AATK: variants seen among roughly 807,000 people sequenced by gnomAD.
AATK encodes the protein serine/threonine-protein kinase LMTK1.
Under a neutral mutation model 114.3 loss-of-function variants are expected in AATK, and 91 were observed. That is an observed-to-expected ratio of 0.80 (90% CI 0.67 to 0.95). The LOEUF is 0.95. AATK is among the 40% of genes least tolerant of loss of function. The pLI is 0.00. For synonymous variants in AATK, 1,075 were observed against 916.5 expected (o/e 1.17, Z -3.12); for missense variants, 2,176 against 1,965.2 (o/e 1.11, Z -2.03).
At chr17:81,124,333 G>A (rs912139009) in intron 9 of AATK, among the ~76,000 whole-genome samples, 2 of 152,182 alleles carry the variant, frequency 1.3e-5, no homozygotes, top group Non-Finnish European at 2.9e-5. Context: ...TGCGGCCGTG[G>A]GAGATCCCAG....
At chr17:81,123,057 G>A (rs1598907953) in intron 10 of AATK, 137 bp downstream of exon 10, 1 of 1,064,388 alleles carries the variant, frequency 9.4e-7, no homozygotes, top group East Asian at 3.2e-5. Context: ...AGAGGTGGCG[G>A]GTGGAGGCCC....
In AATK at chr17:81,128,950, G is replaced by A. The variant is rs369465978; in HGVS notation, c.335-401C>T. On this transcript the variant is annotated intron_variant, in intron 3 of 13. Coordinates refer to ENST00000326724, the MANE Select transcript of AATK (RefSeq NM_001080395.3). ...TGGAGCGGCCCACCCCCACCCTGCCGCAGGCTGGCATCCCACGCCGGGCGC... is the reference window on the plus strand; with the variant it reads ...TGGAGCGGCCCACCCCCACCCTGCCACAGGCTGGCATCCCACGCCGGGCGC... 5.0e-4 allele frequency: 538 copies of A among 1,077,880 alleles called. 4 individuals carry two copies. The South Asian group carries it at 0.011, about 21-fold the overall frequency. The allele number at this position is 1,077,880 out of a possible 1,614,324, so 66.8% of individuals were successfully genotyped here.
At position 81,126,521 on chromosome 17, in the gene AATK, C is replaced by G; in HGVS notation, c.661G>C (p.Glu221Gln). Reference sequence around the variant, plus strand: ...GTCCGGGGGTCGGGAGCCATGGACTCCGCCACCCGGCAGCTCCGCAGGTAG... The same window carrying G: ...GTCCGGGGGTCGGGAGCCATGGACTGCGCCACCCGGCAGCTCCGCAGGTAG... ...KGYLRSCRVA[E>Q]SMAPDPRTLQ... The change falls in exon 7 of 14, where the codon GAG becomes CAG. Residue 221 changes from glutamate to glutamine, a missense_variant. By Grantham distance (29) the Glu-to-Gln change is conservative. Coordinates refer to ENST00000326724, the MANE Select transcript of AATK (RefSeq NM_001080395.3). This position sits in a 1 kb window ranked among gnomAD's most constrained non-coding sequence, Gnocchi z 5.1. 6.5e-7 allele frequency: 1 copy of G among 1,548,846 alleles called. No individual in the cohort carries two copies. Among genetic ancestry groups the G allele is most frequent in the Non-Finnish European group, 8.7e-7 (1 of 1,145,572 alleles).
chr17:81,120,874 G>C lies in AATK; in HGVS notation c.3062C>G (p.Pro1021Arg). The change falls in exon 11 of 14, where the codon CCC (proline) becomes CGC (arginine). Residue 1021 changes from proline to arginine, a missense_variant. Transcript: ENST00000326724. ...GCTCGGCAGGCCCAGCTCTGGCCCGGGGGCTCGGTCCCCGCCGCACTTCTT... is the reference window on the plus strand; with the variant it reads ...GCTCGGCAGGCCCAGCTCTGGCCCGCGGGCTCGGTCCCCGCCGCACTTCTT... ...PEKKCGGDRA[P>R]GPELGLPSTG... 1.3e-6 allele frequency: 2 copies of C among 1,579,462 alleles called. No individual in the cohort carries two copies. The highest frequency in any genetic ancestry group is 2.3e-5 in the South Asian group (2 of 86,846).
intron 1 of AATK, among the ~76,000 whole-genome samples, chr17:81,155,648 T>A (rs1339938104): frequency 6.6e-6 from 1 of 152,040 alleles, no homozygotes; most frequent in Non-Finnish European, 1.5e-5. Context: ...CCTCCCAAAG[T>A]GCTGGGATTG....
chr17:81,120,849 G>A lies in AATK; in HGVS notation c.3087C>T (p.Ser1029=), dbSNP rs1265597673. 4 of 1,579,244 alleles carry A rather than the reference G, an allele frequency of 2.5e-6. No homozygotes were observed. Among genetic ancestry groups the A allele is most frequent in the African/African-American group, 2.7e-5 (2 of 74,268 alleles). Reference sequence around the variant, plus strand: ...AGACCTGCTCAGACGGCTGCCCAGTGCTCGGCAGGCCCAGCTCTGGCCCGG... The same window carrying A: ...AGACCTGCTCAGACGGCTGCCCAGTACTCGGCAGGCCCAGCTCTGGCCCGG... ...RAPGPELGLP[S]TGQPSEQVCL... is the part of the protein sequence containing the mutation. Residue 1029 remains serine, a synonymous_variant, in exon 11 of 14, where the codon AGC becomes AGT. Coordinates refer to ENST00000326724, the MANE Select transcript of AATK (RefSeq NM_001080395.3).
rs371745728 is a variant in AATK, at chr17:81,161,348, ACTC to A, written c.55+4587_55+4589del. On this transcript the variant is annotated intron_variant, in intron 1 of 13. Transcript: ENST00000326724. ...GTGGCCTCCTTCCCGCGTGCACGCC[ACTC>A]CTCCTCTTTCTATCAGGCCCCAGTC... Among the ~76,000 whole-genome samples, 689 of 151,178 alleles carry A rather than the reference ACTC, an allele frequency of 4.6e-3. 3 individuals carry two copies. The highest frequency in any genetic ancestry group is 0.016 in the African/African-American group (638 of 41,078).
intron 1 of AATK, among the ~76,000 whole-genome samples, chr17:81,141,136 C>T (rs1216984776): frequency 1.3e-5 from 2 of 152,116 alleles, no homozygotes; most frequent in Non-Finnish European, 2.9e-5. Flanking sequence ...CCAGCCTCCA[C>T]CACATTGACT....
chr17:81,138,664 T>G (rs1169466462), intron 1 of AATK, among the ~76,000 whole-genome samples: 1 of 130,040 alleles, frequency 7.7e-6, no homozygotes, highest in East Asian at 2.6e-4. Flanking sequence ...CACACACATA[T>G]CCATACATGC....
chr17:81,139,498 C>T (rs1259504332), intron 1 of AATK, among the ~76,000 whole-genome samples: 1 of 152,268 alleles, frequency 6.6e-6, no homozygotes. Flanking sequence ...CACTGTTCAA[C>T]CCTCTGCTAC....
chr17:81,158,084 C>T lies in AATK; in HGVS notation c.55+7854G>A, dbSNP rs564830673. ...CGGGCAGGTCCATGGCCAGGGCGGC[C>T]GGGCGTCGCGGATGCATGCCGGCCA... On this transcript the variant is annotated intron_variant, in intron 1 of 13. Transcript: ENST00000326724. 5.9e-5 allele frequency among the ~76,000 whole-genome samples: 9 copies of T among 152,342 alleles called. No individual in the cohort carries two copies. In the South Asian group the frequency reaches 1.9e-3, roughly 32 times the overall value.
chr17:81,148,792 G>A (rs764745925), intron 1 of AATK, among the ~76,000 whole-genome samples: 4 of 128,834 alleles, frequency 3.1e-5, no homozygotes, highest in South Asian at 5.9e-4. Flanking sequence ...ATGGAGATTC[G>A]CATATGCACA....
At chr17:81,123,135 G>C in intron 10 of AATK, 59 bp downstream of exon 10, 2 of 1,379,802 alleles carry the variant, frequency 1.4e-6, no homozygotes, top group Non-Finnish European at 1.9e-6. Flanking sequence ...GCCTCTGCCT[G>C]GGGATCAGGA....
intron 1 of AATK, among the ~76,000 whole-genome samples, chr17:81,158,751 A>C (rs1361636518): frequency 6.6e-6 from 1 of 152,216 alleles, no homozygotes; most frequent in East Asian, 1.9e-4. Context: ...AAGGCAGACA[A>C]GACCACCATG....
chr17:81,128,800 G>T (rs1427775502), intron 3 of AATK: 3 of 1,293,312 alleles, frequency 2.3e-6, no homozygotes, highest in Non-Finnish European at 3.0e-6. Flanking sequence ...TGGAGAAGGT[G>T]CCTGAAGCCA....
intron 1 of AATK, among the ~76,000 whole-genome samples, chr17:81,157,381 G>T (rs907340645): frequency 6.6e-6 from 1 of 152,092 alleles, no homozygotes; most frequent in Non-Finnish European, 1.5e-5. Context: ...AGACGCACAC[G>T]TACCCCTCCA....
rs1212981696 is a variant in AATK, at chr17:81,140,902, C to T, written c.56-6401G>A. ...GCCGTGGGGACCGTGAGCTGTGAGC[C>T]GTGGGGCCGTGGGGCCGTGGGACCG... On this transcript the variant is annotated intron_variant, in intron 1 of 13. Transcript: ENST00000326724. Among the ~76,000 whole-genome samples the T allele has an allele frequency of 1.2e-4, 14 of 117,918 alleles. No homozygotes were observed. In the East Asian group the frequency reaches 1.6e-3, roughly 14 times the overall value. The allele number at this position is 117,918 out of a possible 152,430, so 77.4% of individuals were successfully genotyped here.
intron 7 of AATK, chr17:81,125,812 G>A: frequency 6.7e-6 from 3 of 447,536 alleles, no homozygotes; most frequent in Non-Finnish European, 9.4e-6. Flanking sequence ...AGGGGGTGGA[G>A]TGGGGTGGGT....
chr17:81,118,491 C>T, intron 13 of AATK, 49 bp from the exon 14 acceptor site: 1 of 1,581,612 alleles, frequency 6.3e-7, no homozygotes, highest in Non-Finnish European at 8.6e-7. Context: ...GACACCAGGG[C>T]TGCCTCCCCC....
Sources: allele counts gnomAD v4.1 joint callset (sites outside exome capture counted in the v4.1 genomes callset), GRCh38; gene constraint gnomAD v4.1.1; non-coding constraint Gnocchi (gnomAD v3.1); transcripts MANE v1.5; gene names NCBI Gene and HGNC (gene_info 2026-07-23, HGNC 2026-07-21).